DMD: variants seen among roughly 807,000 people sequenced by gnomAD.
DMD encodes the protein dystrophin.
Under a neutral mutation model 330.1 loss-of-function variants are expected in DMD, and 63 were observed. That is an observed-to-expected ratio of 0.19 (90% confidence interval 0.16 to 0.24). DMD has a LOEUF of 0.24. DMD is among the 10% of genes least tolerant of loss of function. DMD has a pLI of 1.00. For missense variants in DMD, 3,344 were observed against 2,684.1 expected (o/e 1.25, Z -5.43); for synonymous variants, 1,223 against 959.8 (o/e 1.27, Z -5.07).
chrX:31,120,896 C>CCGATTACTCACTCTGATAT lies in DMD; in HGVS notation c.*1004_*1022dup, dbSNP rs2032344087. ...ATCAATCAATCAATCAACCAACCAA[C>CCGATTACTCACTCTGATAT]CGATTACTCACTCTGATATAATAAG... On this transcript the variant is annotated 3_prime_UTR_variant, in exon 79 of 79. Transcript: ENST00000357033. 9.0e-6 allele frequency: 1 copy of CCGATTACTCACTCTGATAT among 111,001 alleles called. No homozygotes were observed. The highest frequency in any genetic ancestry group is 1.9e-5 in the Non-Finnish European group (1 of 53,110). 9.1% of individuals were successfully genotyped at this position (111,001 alleles called of 1,213,427 possible). A position where few individuals can be genotyped will look rare whatever the true frequency, so the allele number is the denominator to read the frequency against.
At chrX:31,642,172 C>T (rs1304864190) in intron 54 of DMD, among the ~76,000 whole-genome samples, 4 of 111,724 alleles carry the variant, frequency 3.6e-5, no homozygotes, top group Non-Finnish European at 5.6e-5. Context: ...ATTAAAACTA[C>T]GGTCCACTGC....
chrX:31,951,126 T>TATATATATAC (rs2095159905), intron 45 of DMD, among the ~76,000 whole-genome samples: 1 of 80,386 alleles, frequency 1.2e-5, no homozygotes, highest in African/African-American at 5.6e-5. Flanking sequence ...TATATACATA[T>TATATATATAC]ATATATATAT....
intron 44 of DMD, among the ~76,000 whole-genome samples, chrX:32,001,393 AAAATATTTAG>A (rs2095625799): frequency 9.0e-6 from 1 of 110,868 alleles, no homozygotes; most frequent in South Asian, 3.9e-4. Context: ...AACAACAATA[AAAATATTTAG>A]AAATGTAGGA....
At chrX:32,985,175 A>C (rs986588244) in intron 2 of DMD, among the ~76,000 whole-genome samples, 2 of 112,373 alleles carry the variant, frequency 1.8e-5, no homozygotes, top group Non-Finnish European at 3.8e-5. Context: ...ATATACTTGT[A>C]TCTATATAAA....
chrX:31,926,513 T>C (rs978774367), intron 47 of DMD, among the ~76,000 whole-genome samples: 3 of 109,762 alleles, frequency 2.7e-5, no homozygotes, highest in African/African-American at 6.6e-5. Context: ...CCATCTCTAC[T>C]AAAAATACAA....
At chrX:32,574,715 T>C (rs1364641434) in intron 13 of DMD, among the ~76,000 whole-genome samples, 8 of 111,473 alleles carry the variant, frequency 7.2e-5, no homozygotes, top group Non-Finnish European at 1.1e-4. Context: ...CGTGCTTTAT[T>C]TTATATAGAA....
intron 12 of DMD, 99 bp downstream of exon 12, chrX:32,614,204 A>C (rs1248206722): frequency 1.1e-6 from 1 of 874,831 alleles, no homozygotes; most frequent in East Asian, 3.2e-5. Context: ...TTAAGTTTTA[A>C]TTCTCTCCCA....
intron 2 of DMD, among the ~76,000 whole-genome samples, chrX:32,979,538 G>T (rs1268922593): frequency 9.0e-6 from 1 of 111,133 alleles, no homozygotes; most frequent in Non-Finnish European, 1.9e-5. Flanking sequence ...AATCAACCTA[G>T]AAAACAAGAA....
intron 55 of DMD, among the ~76,000 whole-genome samples, chrX:31,569,729 C>T (rs775121537): frequency 2.5e-3 from 260 of 103,423 alleles, no homozygotes; most frequent in African/African-American, 8.7e-3. Context: ...TAACATCTTA[C>T]TAATTCCTTC....
intron 48 of DMD, among the ~76,000 whole-genome samples, chrX:31,844,308 T>TG (rs2093372167): frequency 9.1e-6 from 1 of 109,865 alleles, no homozygotes; most frequent in Admixed American, 9.8e-5. Context: ...CATTTTTTTT[T>TG]TTTTTGTTTA....
At chrX:32,332,413 A>AGTGTGTGTGTGTGTGTGTGTGTGTGTGT (rs111973319) in intron 41 of DMD, among the ~76,000 whole-genome samples, 3 of 95,350 alleles carry the variant, frequency 3.1e-5, no homozygotes, top group African/African-American at 7.8e-5. Context: ...ATGGATAAAA[A>AGTGTGTGTGTGTGTGTGTGTGTGTGTGT]GTGTGTGTGT....
intron 2 of DMD, among the ~76,000 whole-genome samples, chrX:32,927,547 A>C (rs1457880302): frequency 1.8e-5 from 2 of 109,633 alleles, no homozygotes; most frequent in African/African-American, 6.6e-5. Context: ...GCCCGGCCGC[A>C]AGTCTTTCTT....
At chrX:31,582,979 T>A (rs2076407188) in intron 55 of DMD, among the ~76,000 whole-genome samples, 1 of 112,148 alleles carries the variant, frequency 8.9e-6, no homozygotes, top group South Asian at 3.7e-4. Flanking sequence ...AAATAGAGAA[T>A]AGAGGCAGTA....
rs377165340 is a variant in DMD, at chrX:32,167,830, G to C, written c.6438+49086C>G. Among the ~76,000 whole-genome samples, 44 of 111,983 alleles carry C rather than the reference G, an allele frequency of 3.9e-4. 2 individuals carry two copies. The South Asian group carries it at 0.016, about 41-fold the overall frequency. ...TTCTCTACTCACAGGTTTGCTAAAA[G>C]ATCTCTCTTCCACCACCACTCCTTG... On this transcript the variant is annotated intron_variant, in intron 44 of 78. Transcript: ENST00000357033.
At chrX:31,335,166 T>A (rs1402350488) in intron 61 of DMD, among the ~76,000 whole-genome samples, 1 of 112,519 alleles carries the variant, frequency 8.9e-6, no homozygotes, top group Non-Finnish European at 1.9e-5. Flanking sequence ...TACTGCCGTT[T>A]CCCCAGTTCC....
chrX:33,299,994 A>G (rs2053638882), intron 1 of DMD, among the ~76,000 whole-genome samples: 1 of 111,908 alleles, frequency 8.9e-6, no homozygotes, highest in Admixed American at 9.5e-5. Context: ...AGAAGAGACA[A>G]TGAATACTAA....
intron 47 of DMD, among the ~76,000 whole-genome samples, chrX:31,899,770 G>C (rs1262410614): frequency 9.0e-6 from 1 of 111,034 alleles, no homozygotes; most frequent in Non-Finnish European, 1.9e-5. Context: ...GTATATCCAA[G>C]CTCCATACCA....
intron 52 of DMD, among the ~76,000 whole-genome samples, chrX:31,703,174 C>T (rs1257506635): frequency 9.0e-6 from 1 of 111,421 alleles, no homozygotes; most frequent in East Asian, 2.8e-4. Flanking sequence ...TAATGTCATG[C>T]CTCCCACCCC....
At chrX:31,792,257 A>G (rs1274471661) in intron 50 of DMD, among the ~76,000 whole-genome samples, 2 of 112,376 alleles carry the variant, frequency 1.8e-5, no homozygotes, top group African/African-American at 6.5e-5. Flanking sequence ...TATTTAGCTT[A>G]GGACAATGTT....
Sources: gnomAD v4.1 joint callset for allele counts (sites outside exome capture counted in the v4.1 genomes callset) on GRCh38, gnomAD v4.1.1 for gene constraint, MANE v1.5 for transcripts, NCBI Gene and HGNC (gene_info 2026-07-23, HGNC 2026-07-21) for gene names.